The following REDIC1 variants were observed in gnomAD, a reference collection of about 807,000 sequenced individuals.
REDIC1 encodes the protein regulator of DNA class I crossover intermediates 1.
the REDIC1 span, among the ~76,000 whole-genome samples, chr12:39,856,304 C>G: frequency 6.6e-6 from 1 of 152,176 alleles, no homozygotes; most frequent in Non-Finnish European, 1.5e-5. Flanking sequence ...CAATCAAAAT[C>G]ATAGTTTTCC....
chr12:39,714,273 A>G, the REDIC1 span, among the ~76,000 whole-genome samples: 3 of 148,952 alleles, frequency 2.0e-5, 1 homozygote, highest in African/African-American at 7.4e-5. Context: ...ATATATGTAT[A>G]TATGTATATA....
the REDIC1 span, among the ~76,000 whole-genome samples, chr12:39,720,448 T>G: frequency 6.6e-6 from 1 of 152,086 alleles, no homozygotes; most frequent in Non-Finnish European, 1.5e-5. Context: ...TGCATATCAT[T>G]TCTTCTGTTG....
chr12:39,679,439 G>C, the REDIC1 span, among the ~76,000 whole-genome samples: 1 of 151,956 alleles, frequency 6.6e-6, no homozygotes, highest in Non-Finnish European at 1.5e-5. Context: ...ACCTAACCAA[G>C]GAGGTGAAAG....
the REDIC1 span, among the ~76,000 whole-genome samples, chr12:39,900,458 T>C: frequency 1.3e-5 from 2 of 151,832 alleles, no homozygotes; most frequent in East Asian, 3.9e-4. Context: ...CAGCCCAAAA[T>C]CTCCTTAAGC....
At chr12:39,825,313 A>G in the REDIC1 span, among the ~76,000 whole-genome samples, 3 of 152,170 alleles carry the variant, frequency 2.0e-5, no homozygotes, top group Non-Finnish European at 2.9e-5. Context: ...ACAGATAAAT[A>G]CAGAAAAAAA....
chr12:39,711,715 G>A, the REDIC1 span, among the ~76,000 whole-genome samples: 1 of 59,968 alleles, frequency 1.7e-5, no homozygotes, highest in Non-Finnish European at 3.9e-5. Context: ...ACACATGCAT[G>A]TGTATGCACA....
chr12:39,900,635 C>T, the REDIC1 span, among the ~76,000 whole-genome samples: 29 of 152,082 alleles, frequency 1.9e-4, no homozygotes, highest in Admixed American at 8.5e-4. Context: ...TTACAAGGGA[C>T]GTGAAGGACC....
chr12:39,753,332 T>C, the REDIC1 span, among the ~76,000 whole-genome samples: 1 of 149,982 alleles, frequency 6.7e-6, no homozygotes, highest in African/African-American at 2.5e-5. Context: ...TTGAATCAGG[T>C]TTCAAAAATT....
chr12:39,719,567 T>C, the REDIC1 span, among the ~76,000 whole-genome samples: 1 of 152,020 alleles, frequency 6.6e-6, no homozygotes, highest in African/African-American at 2.4e-5. Context: ...TGAGCCATGA[T>C]TGTGCCACTG....
At chr12:39,823,102 C>T in the REDIC1 span, among the ~76,000 whole-genome samples, 1 of 152,262 alleles carries the variant, frequency 6.6e-6, no homozygotes, top group South Asian at 2.1e-4. Flanking sequence ...AACTTCCAAA[C>T]ACATAACATG....
chr12:39,751,010 T>C, the REDIC1 span, among the ~76,000 whole-genome samples: 128 of 152,212 alleles, frequency 8.4e-4, 1 homozygote, highest in African/African-American at 2.9e-3. Context: ...GGGCAAGGAC[T>C]TCATGTCTAA....
chr12:39,736,635 T>A, the REDIC1 span: 1 of 152,168 alleles, frequency 6.6e-6, no homozygotes, highest in Admixed American at 6.5e-5. Flanking sequence ...GAGACAGAAG[T>A]GATGTTGCAT....
At chr12:39,823,697 C>T in the REDIC1 span, among the ~76,000 whole-genome samples, 1 of 152,310 alleles carries the variant, frequency 6.6e-6, no homozygotes, top group Non-Finnish European at 1.5e-5. Flanking sequence ...GATCCTCCTG[C>T]TTTCACCTCT....
the REDIC1 span, among the ~76,000 whole-genome samples, chr12:39,734,070 T>C: frequency 1.3e-5 from 2 of 152,210 alleles, no homozygotes; most frequent in Non-Finnish European, 2.9e-5. Flanking sequence ...GGTTTGCGGG[T>C]TGTGAAGACT....
the REDIC1 span, among the ~76,000 whole-genome samples, chr12:39,800,003 AC>A: frequency 1.3e-5 from 2 of 152,186 alleles, no homozygotes; most frequent in East Asian, 3.8e-4. Context: ...ATTGATGTCT[AC>A]CTTTTTTTGC....
At chr12:39,694,166 A>C in the REDIC1 span, among the ~76,000 whole-genome samples, 1 of 151,984 alleles carries the variant, frequency 6.6e-6, no homozygotes, top group Admixed American at 6.6e-5. Flanking sequence ...AGGGATCCTT[A>C]TATATTAGAA....
the REDIC1 span, among the ~76,000 whole-genome samples, chr12:39,680,841 A>G: frequency 1.3e-5 from 2 of 152,150 alleles, no homozygotes; most frequent in Admixed American, 1.3e-4. Flanking sequence ...AAAGGAATGA[A>G]ATTATGGCAT....
the REDIC1 span, among the ~76,000 whole-genome samples, chr12:39,728,803 T>G: frequency 1.0e-4 from 9 of 88,414 alleles, no homozygotes; most frequent in Non-Finnish European, 1.8e-4. Flanking sequence ...TTTTTTTTGG[T>G]TGGTAGGCTA....
the REDIC1 span, among the ~76,000 whole-genome samples, chr12:39,892,733 A>G: frequency 1.3e-5 from 2 of 152,188 alleles, no homozygotes; most frequent in African/African-American, 2.4e-5. Context: ...ACAATATCAA[A>G]TTTGTTCCAA....
Sources: gnomAD v4.1 joint callset for allele counts (sites outside exome capture counted in the v4.1 genomes callset) on GRCh38, gnomAD v4.1.1 for gene constraint, MANE v1.5 for transcripts, NCBI Gene and HGNC (gene_info 2026-07-23, HGNC 2026-07-21) for gene names.